TNIK: variants seen among roughly 807,000 people sequenced by gnomAD.
TNIK encodes the protein TRAF2 and NCK-interacting protein kinase.
TNIK carries 49 observed loss-of-function variants against 191.3 expected under a neutral mutation model. That is an observed-to-expected ratio of 0.26 (90% confidence interval 0.20 to 0.32). The LOEUF is 0.32. Ranked by LOEUF, TNIK falls within the 10% of genes least tolerant of loss-of-function variation. The pLI, the probability that TNIK is intolerant of heterozygous loss-of-function variation, is 1.00. For missense variants in TNIK, 1,155 were observed against 1,702.3 expected (o/e 0.68, Z 5.66); for synonymous variants, 594 against 600.9 (o/e 0.99, Z 0.17).
chr3:171,164,750 G>C (rs1339310326), intron 10 of TNIK, among the ~76,000 whole-genome samples: 2 of 152,204 alleles, frequency 1.3e-5, no homozygotes, highest in Admixed American at 6.5e-5. Context: ...TGACTTCATG[G>C]AGTAGCCCAA....
intron 2 of TNIK, among the ~76,000 whole-genome samples, chr3:171,330,844 G>A (rs1271963889): frequency 2.0e-5 from 3 of 151,938 alleles, no homozygotes; most frequent in African/African-American, 2.4e-5. Context: ...CTTACCCTAC[G>A]ACCCCGAATT....
chr3:171,084,927 GA>G (rs1369668602), intron 25 of TNIK, among the ~76,000 whole-genome samples, 190 bp downstream of exon 25: 2 of 151,662 alleles, frequency 1.3e-5, no homozygotes, highest in East Asian at 1.9e-4. Context: ...GAAGAGATGG[GA>G]AAAAAAATGG....
chr3:171,321,842 T>C (rs947077842), intron 2 of TNIK, among the ~76,000 whole-genome samples: 1 of 152,162 alleles, frequency 6.6e-6, no homozygotes, highest in African/African-American at 2.4e-5. Flanking sequence ...GTAATTCAAT[T>C]TTACCTGTTT....
intron 2 of TNIK, among the ~76,000 whole-genome samples, chr3:171,360,711 C>T (rs1179188013): frequency 6.6e-6 from 1 of 152,220 alleles, no homozygotes; most frequent in Non-Finnish European, 1.5e-5. Flanking sequence ...GTAACACTAC[C>T]TCTCCCTAGA....
At chr3:171,267,859 C>T (rs1419188720) in intron 2 of TNIK, among the ~76,000 whole-genome samples, 2 of 152,196 alleles carry the variant, frequency 1.3e-5, no homozygotes, top group Admixed American at 1.3e-4. Context: ...TGAGCTCCCA[C>T]CATTTATGCC....
chr3:171,437,592 C>A (rs2108678949), intron 1 of TNIK, among the ~76,000 whole-genome samples: 1 of 152,326 alleles, frequency 6.6e-6, no homozygotes, highest in South Asian at 2.1e-4. Flanking sequence ...AACAGCTCAT[C>A]CTCTCCTTCC....
intron 15 of TNIK, among the ~76,000 whole-genome samples, chr3:171,137,979 AAAAAAC>A (rs869263034): frequency 0.033 from 4,264 of 129,922 alleles, 132 homozygotes; most frequent in African/African-American, 0.11. Flanking sequence ...AAAAAAAAAA[AAAAAAC>A]AAAAACAAAA....
chr3:171,245,836 T>C (rs1242174345), intron 2 of TNIK, among the ~76,000 whole-genome samples: 2 of 152,216 alleles, frequency 1.3e-5, no homozygotes, highest in African/African-American at 4.8e-5. Flanking sequence ...TCTTTTGTTA[T>C]ACATTTTCGG....
chr3:171,340,903 A>C (rs1757435155), intron 2 of TNIK, among the ~76,000 whole-genome samples: 1 of 151,334 alleles, frequency 6.6e-6, no homozygotes, highest in Non-Finnish European at 1.5e-5. Flanking sequence ...GGTATTTGGG[A>C]GGGAAAAAAA....
chr3:171,414,554 C>A (rs1054626367), intron 1 of TNIK, among the ~76,000 whole-genome samples: 2 of 152,182 alleles, frequency 1.3e-5, no homozygotes, highest in African/African-American at 4.8e-5. Flanking sequence ...AATCAGATAA[C>A]CAGGGGGTTT....
At chr3:171,294,042 T>C (rs948353124) in intron 2 of TNIK, among the ~76,000 whole-genome samples, 6 of 151,384 alleles carry the variant, frequency 4.0e-5, no homozygotes, top group South Asian at 4.2e-4. Flanking sequence ...CTGGCCAACA[T>C]GGTGAAACCC....
At chr3:171,083,954 C>A (rs1481316725) in intron 26 of TNIK, among the ~76,000 whole-genome samples, 1 of 152,026 alleles carries the variant, frequency 6.6e-6, no homozygotes, top group Non-Finnish European at 1.5e-5. Flanking sequence ...GTCTTCCTGG[C>A]TAGTAGCGTA....
At chr3:171,130,179 C>G (rs1198991831) in intron 15 of TNIK, among the ~76,000 whole-genome samples, 1 of 152,110 alleles carries the variant, frequency 6.6e-6, no homozygotes, top group African/African-American at 2.4e-5. Context: ...AGCTATTTTC[C>G]CCCATCCTCC....
intron 1 of TNIK, among the ~76,000 whole-genome samples, chr3:171,375,221 A>T (rs1717049365): frequency 6.6e-6 from 1 of 152,218 alleles, no homozygotes; most frequent in Non-Finnish European, 1.5e-5. Context: ...GACTTTAATA[A>T]ATATTCATTT....
At chr3:171,188,914 T>C in intron 6 of TNIK, 82 bp from the exon 7 acceptor site, 1 of 1,508,252 alleles carries the variant, frequency 6.6e-7, no homozygotes, top group Non-Finnish European at 9.0e-7. Flanking sequence ...TATTTTATTG[T>C]GGTAAAACAT....
At chr3:171,109,790 A>AC (rs1725566610) in intron 19 of TNIK, among the ~76,000 whole-genome samples, 3 of 152,230 alleles carry the variant, frequency 2.0e-5, no homozygotes, top group Admixed American at 6.5e-5. Flanking sequence ...AGCACCTGGA[A>AC]ATAATAATGT....
chr3:171,173,580 A>T (rs923423399), intron 9 of TNIK, among the ~76,000 whole-genome samples: 1 of 152,120 alleles, frequency 6.6e-6, no homozygotes, highest in Non-Finnish European at 1.5e-5. Flanking sequence ...AAAGGCCAGA[A>T]ATCTAAATGT....
intron 2 of TNIK, among the ~76,000 whole-genome samples, chr3:171,256,287 T>C (rs2109104963): frequency 6.6e-6 from 1 of 152,232 alleles, no homozygotes; most frequent in Middle Eastern, 3.4e-3. Flanking sequence ...GAGTCTACAA[T>C]TCCCAAGGCC....
Position 171,058,776 on chromosome 3 carries a change from A to G in TNIK, c.*5105T>C, listed in dbSNP as rs1717575892. ...TCCCTTCTGATATTATACATTTGGC[A>G]TCTCTCTACAGTTATATTAACATAA... On this transcript the variant is annotated 3_prime_UTR_variant, in exon 33 of 33. Transcript: ENST00000436636. 6.6e-6 allele frequency among the ~76,000 whole-genome samples: 1 copy of G among 152,224 alleles called. No individual in the cohort carries two copies. Among genetic ancestry groups the G allele is most frequent in the African/African-American group, 2.4e-5 (1 of 41,470 alleles).
Sources: allele counts gnomAD v4.1 joint callset (sites outside exome capture counted in the v4.1 genomes callset), GRCh38; gene constraint gnomAD v4.1.1; transcripts MANE v1.5; gene names NCBI Gene and HGNC (gene_info 2026-07-23, HGNC 2026-07-21).